The following ELFN1 variants were observed in gnomAD, a reference collection of about 807,000 sequenced individuals.
The protein encoded by ELFN1 is extracellular leucine rich repeat and fibronectin type III domain containing 1, also known as protein ELFN1.
A neutral mutation model predicts 7.6 loss-of-function variants in ELFN1; 6 were observed. That is an observed-to-expected ratio of 0.79 (90% CI 0.43 to 1.56). The LOEUF is 1.56. ELFN1 is among the 40% of genes most tolerant of loss of function. ELFN1 has a pLI of 0.01. For missense variants in ELFN1, 1,169 were observed against 1,232.2 expected, an observed-to-expected ratio of 0.95 and a Z score of 0.77; for synonymous variants, 657 against 588.1, an observed-to-expected ratio of 1.12 and a Z score of -1.70.
intron 2 of ELFN1, among the ~76,000 whole-genome samples, chr7:1,698,321 G>A (rs1779359934): frequency 6.6e-6 from 1 of 152,154 alleles, no homozygotes; most frequent in African/African-American, 2.4e-5. Flanking sequence ...CCTCCCTTTT[G>A]TGGCAATTTT....
chr7:1,674,936 G>A (rs1778838949), intron 1 of ELFN1, among the ~76,000 whole-genome samples: 1 of 152,152 alleles, frequency 6.6e-6, no homozygotes, highest in Admixed American at 6.5e-5. Flanking sequence ...TTTAAAGATA[G>A]GGACACTGAG....
intron 2 of ELFN1, among the ~76,000 whole-genome samples, chr7:1,704,360 A>C (rs1271734827): frequency 2.0e-5 from 3 of 152,192 alleles, no homozygotes; most frequent in Non-Finnish European, 4.4e-5. Context: ...TGATCCGGAC[A>C]AAAGGACCAG....
chr7:1,688,645 A>G (rs1779101930), intron 2 of ELFN1, among the ~76,000 whole-genome samples: 1 of 152,184 alleles, frequency 6.6e-6, no homozygotes, highest in Non-Finnish European at 1.5e-5. Flanking sequence ...ATTTTAAGAC[A>G]ATTGTACAGT....
chr7:1,746,244 AGTT>A lies in ELFN1; in HGVS notation c.1649_1651del (p.Ser550_Ser551delinsThr). The A allele has an allele frequency of 6.6e-7, 1 of 1,508,188 alleles. No homozygotes were observed. Among genetic ancestry groups the A allele is most frequent in the Non-Finnish European group, 8.9e-7 (1 of 1,124,320 alleles). 93.4% of individuals were successfully genotyped at this position (1,508,188 alleles called of 1,614,324 possible). A position where few individuals can be genotyped will look rare whatever the true frequency, so the allele number is the denominator to read the frequency against. ...GGGCCGGCCGGGCCCCGACAGCCAG[AGTT>A]CGGTGGCCGAGATCTCCACCATCGC... On this transcript the variant is annotated inframe_deletion, in exon 4 of 4. Coordinates refer to ENST00000424383, the MANE Select transcript of ELFN1 (RefSeq NM_001128636.4).
At chr7:1,688,477 T>C (rs1490113602) in intron 2 of ELFN1, among the ~76,000 whole-genome samples, 1 of 152,160 alleles carries the variant, frequency 6.6e-6, no homozygotes, top group African/African-American at 2.4e-5. Context: ...ACATTTAGAC[T>C]TTTAATCCAC....
chr7:1,677,139 T>C (rs934145530), intron 1 of ELFN1, among the ~76,000 whole-genome samples: 4 of 152,216 alleles, frequency 2.6e-5, no homozygotes, highest in African/African-American at 7.2e-5. Flanking sequence ...CCCATTTTCC[T>C]ATTTATATTC....
intron 1 of ELFN1, among the ~76,000 whole-genome samples, chr7:1,672,741 A>G (rs1778791265): frequency 6.6e-6 from 1 of 150,898 alleles, no homozygotes; most frequent in South Asian, 2.1e-4. Flanking sequence ...CCCCCCCGAC[A>G]AGCCAATTCC....
chr7:1,667,696 G>A (rs1778690986), upstream of ELFN1, among the ~76,000 whole-genome samples: 1 of 152,036 alleles, frequency 6.6e-6, no homozygotes, highest in African/African-American at 2.4e-5. This position sits in a 1 kb window ranked among gnomAD's most constrained non-coding sequence, Gnocchi z 8.2. Context: ...CGCCGGCCCC[G>A]CCCCCCGCCC....
At chr7:1,687,043 C>T (rs931623213) in intron 1 of ELFN1, among the ~76,000 whole-genome samples, 1 of 151,816 alleles carries the variant, frequency 6.6e-6, no homozygotes, top group Non-Finnish European at 1.5e-5. Flanking sequence ...ATAAAATCAG[C>T]CCCTGACAGC....
In ELFN1 at chr7:1,746,732, G is replaced by C. The variant is rs1446756956; in HGVS notation, c.2136G>C (p.Pro712=). ...EHRHSYPGSH[P]AEPPAPPGPP... ...GGCACTCGTACCCCGGCTCCCACCC[G>C]GCCGAGCCACCTGCGCCCCCCGGGC... Residue 712 remains proline, a synonymous_variant, in exon 4 of 4, where the codon CCG becomes CCC. Transcript: ENST00000424383. 1 of 1,483,344 alleles carries C rather than the reference G, an allele frequency of 6.7e-7. No individual in the cohort carries two copies. The highest frequency in any genetic ancestry group is 1.5e-5 in the African/African-American group (1 of 68,044). 91.9% of individuals were successfully genotyped at this position (1,483,344 alleles called of 1,614,324 possible).
intron 1 of ELFN1, among the ~76,000 whole-genome samples, chr7:1,671,967 C>T (rs188223054): frequency 1.1e-3 from 165 of 152,332 alleles, no homozygotes; most frequent in African/African-American, 3.8e-3. Context: ...ATCCCCACCC[C>T]TAGTGGGCAG....
Position 1,746,790 on chromosome 7 carries a change from C to A in ELFN1, c.2194C>A (p.Arg732Ser). The change falls in exon 4 of 4, where the codon CGC (arginine) becomes AGC (serine). Residue 732 changes from arginine to serine, a missense_variant. Transcript: ENST00000424383. ...PPPPPHEGLGRKASILEPLTR... is the reference protein window; with the variant it reads ...PPPPPHEGLGSKASILEPLTR... ...GCCGCCTCCGCACGAGGGCCTGGGG[C>A]GCAAGGCGTCCATCCTGGAGCCACT... is the stretch of plus-strand genomic sequence containing the variant. 1.3e-6 allele frequency: 2 copies of A among 1,528,338 alleles called. No homozygotes were observed. The highest frequency in any genetic ancestry group is 8.8e-7 in the Non-Finnish European group (1 of 1,141,558). The allele number at this position is 1,528,338 out of a possible 1,614,324, so 94.7% of individuals were successfully genotyped here.
At chr7:1,725,093 T>G (rs941569646) in intron 3 of ELFN1, among the ~76,000 whole-genome samples, 4 of 152,166 alleles carry the variant, frequency 2.6e-5, no homozygotes, top group Non-Finnish European at 1.5e-5. Context: ...AAGGTTGGGC[T>G]GGGGATCAAA....
chr7:1,744,677 A>C lies in ELFN1; in HGVS notation c.81A>C (p.Ala27=). 5 of 1,551,068 alleles carry C rather than the reference A, an allele frequency of 3.2e-6. No homozygotes were observed. Among genetic ancestry groups the C allele is most frequent in the Non-Finnish European group, 4.4e-6 (5 of 1,146,844 alleles). ...TLLHAGGLAR[A]DCWLIEGDKG... ...TGCACGCTGGCGGCCTGGCCCGCGC[A>C]GACTGCTGGCTGATCGAGGGCGACA... is the stretch of plus-strand genomic sequence containing the variant. Residue 27 remains alanine (A), a synonymous_variant, in exon 4 of 4, where the codon GCA becomes GCC. Coordinates refer to ENST00000424383, the MANE Select transcript of ELFN1 (RefSeq NM_001128636.4).
intron 1 of ELFN1, among the ~76,000 whole-genome samples, chr7:1,684,152 C>T (rs113697892): frequency 3.3e-5 from 5 of 151,654 alleles, no homozygotes; most frequent in African/African-American, 1.2e-4. Context: ...CCTGTCTCCC[C>T]AAAAAAATTT....
intron 3 of ELFN1, among the ~76,000 whole-genome samples, chr7:1,728,005 G>A (rs905864790): frequency 2.0e-5 from 3 of 152,164 alleles, no homozygotes; most frequent in Non-Finnish European, 2.9e-5. Context: ...GAGAGAGGCC[G>A]AGAGGTCCAA....
Position 1,744,695 on chromosome 7 carries a change from G to C in ELFN1, c.99G>C (p.Glu33Asp). 6.4e-7 allele frequency: 1 copy of C among 1,551,576 alleles called. No homozygotes were observed. Among genetic ancestry groups the C allele is most frequent in the Non-Finnish European group, 8.7e-7 (1 of 1,146,984 alleles). Residue 33 changes from glutamate (E) to aspartate (D), a missense_variant, in exon 4 of 4, where the codon GAG becomes GAC. Coordinates refer to ENST00000424383, the MANE Select transcript of ELFN1 (RefSeq NM_001128636.4). ...GLARADCWLIEGDKGFVWLAI... is the reference protein window; with the variant it reads ...GLARADCWLIDGDKGFVWLAI... ...CCCGCGCAGACTGCTGGCTGATCGA[G>C]GGCGACAAGGGCTTCGTGTGGCTGG...
At chr7:1,697,849 A>C (rs147417189) in intron 2 of ELFN1, among the ~76,000 whole-genome samples, 1 of 152,140 alleles carries the variant, frequency 6.6e-6, no homozygotes, top group African/African-American at 2.4e-5. Context: ...CAGTGGTGCA[A>C]TCATGGCTCA....
At chr7:1,680,912 T>C (rs540661037) in intron 1 of ELFN1, among the ~76,000 whole-genome samples, 7 of 152,032 alleles carry the variant, frequency 4.6e-5, no homozygotes, top group Non-Finnish European at 1.0e-4. Flanking sequence ...TGGATAGTTT[T>C]TGTATTTTTA....
Sources: gnomAD v4.1 joint callset for allele counts (sites outside exome capture counted in the v4.1 genomes callset) on GRCh38, gnomAD v4.1.1 for gene constraint, Gnocchi (gnomAD v3.1) non-coding constraint, MANE v1.5 for transcripts, NCBI Gene and HGNC (gene_info 2026-07-23, HGNC 2026-07-21) for gene names.